Variants in EYS observed in about 807,000 individuals in gnomAD.
EYS encodes protein eyes shut homolog.
Under a neutral mutation model 282.1 loss-of-function variants are expected in EYS, and 250 were observed. The observed-to-expected ratio is 0.89, with a 90% CI of 0.80 to 0.98. EYS has a LOEUF of 0.98. EYS is among the 50% of genes least tolerant of loss of function. The pLI is 0.00. For missense variants in EYS, 4,016 were observed against 3,709.0 expected, an observed-to-expected ratio of 1.08 and a Z score of -2.15; for synonymous variants, 1,355 against 1,282.9, an observed-to-expected ratio of 1.06 and a Z score of -1.20.
chr6:64,146,067 T>C (rs1179800635), intron 31 of EYS, among the ~76,000 whole-genome samples: 1 of 152,160 alleles, frequency 6.6e-6, no homozygotes, highest in Non-Finnish European at 1.5e-5. Context: ...TTTCCTCGTG[T>C]TGTATAATCT....
intron 18 of EYS, among the ~76,000 whole-genome samples, chr6:64,890,277 C>T (rs1284104482): frequency 6.6e-6 from 1 of 152,122 alleles, no homozygotes; most frequent in Non-Finnish European, 1.5e-5. Flanking sequence ...TGTGATCTCG[C>T]CCTGCCTCCA....
chr6:65,610,083 T>A (rs1372554936), intron 2 of EYS, among the ~76,000 whole-genome samples: 1 of 151,988 alleles, frequency 6.6e-6, no homozygotes, highest in Non-Finnish European at 1.5e-5. Context: ...ATTTTTTTTA[T>A]TTTTTGTAGA....
chr6:65,148,144 A>T (rs1266579118), intron 12 of EYS, among the ~76,000 whole-genome samples: 1 of 152,064 alleles, frequency 6.6e-6, no homozygotes, highest in Non-Finnish European at 1.5e-5. Flanking sequence ...AAAAACATGC[A>T]TTCTCAACAG....
chr6:64,070,558 A>G (rs1009804168), intron 32 of EYS, among the ~76,000 whole-genome samples: 3 of 152,044 alleles, frequency 2.0e-5, no homozygotes, highest in African/African-American at 7.2e-5. Flanking sequence ...CCAAATAGTC[A>G]TGTCTGAATA....
rs1409845590 is a variant in EYS, at chr6:65,344,134, G to T, written c.1503C>A (p.Phe501Leu). The change falls in exon 10 of 43, where the codon TTC (phenylalanine) becomes TTA (leucine). Residue 501 changes from phenylalanine to leucine, a missense_variant. Coordinates refer to ENST00000503581, the MANE Select transcript of EYS (RefSeq NM_001142800.2). ...EKCQGVIDAY[F>L]FLAANCTEDA... ...CTTCAGTGCAGTTTGCAGCCAGAAA[G>T]AAATAGGCATCAATAACCCCTTGGC... The T allele has an allele frequency of 6.2e-7, 1 of 1,610,420 alleles. No individual in the cohort carries two copies. Among genetic ancestry groups the T allele is most frequent in the Admixed American group, 1.7e-5 (1 of 59,660 alleles).
chr6:65,406,789 A>G (rs1244303063), intron 5 of EYS, among the ~76,000 whole-genome samples: 1 of 152,110 alleles, frequency 6.6e-6, no homozygotes, highest in Non-Finnish European at 1.5e-5. Flanking sequence ...TTTCTGGCAT[A>G]TCTATTTTTT....
intron 2 of EYS, among the ~76,000 whole-genome samples, chr6:65,597,840 C>T (rs1406337877): frequency 6.6e-6 from 1 of 152,082 alleles, no homozygotes; most frequent in Non-Finnish European, 1.5e-5. Context: ...GTGGCTCACA[C>T]CTGTAATCCC....
At chr6:65,137,405 G>A (rs1292788083) in intron 12 of EYS, among the ~76,000 whole-genome samples, 2 of 152,050 alleles carry the variant, frequency 1.3e-5, no homozygotes, top group Non-Finnish European at 2.9e-5. Context: ...CAGGTTGAGA[G>A]GTAAGACTGT....
At chr6:65,581,576 T>C (rs1338625744) in intron 2 of EYS, among the ~76,000 whole-genome samples, 1 of 152,090 alleles carries the variant, frequency 6.6e-6, no homozygotes, top group Non-Finnish European at 1.5e-5. Context: ...CAACAATCCC[T>C]CCTAATGTTT....
rs149453692 is a variant in EYS at position 63,785,604 on chromosome 6, AATAATGGTTCATT to A, written c.7723+2488_7723+2500del. ...TATGAGCATTAAAGGTCATAGAAAA[AATAATGGTTCATT>A]ATAAGCCATTTTTTAGAACAAAAAC... On this transcript the variant is annotated intron_variant, in intron 39 of 42. Coordinates refer to ENST00000503581, the MANE Select transcript of EYS (RefSeq NM_001142800.2). 9.9e-3 allele frequency among the ~76,000 whole-genome samples: 1,501 copies of A among 152,332 alleles called. 11 individuals carry two copies. The highest frequency in any genetic ancestry group is 0.016 in the Non-Finnish European group (1,113 of 68,028).
chr6:64,934,957 T>C (rs981530154), intron 15 of EYS, among the ~76,000 whole-genome samples: 6 of 151,794 alleles, frequency 4.0e-5, no homozygotes, highest in Non-Finnish European at 2.9e-5. Flanking sequence ...AGTTTGTTGA[T>C]GGGCTTATAA....
At chr6:63,931,757 G>T (rs933404667) in intron 35 of EYS, among the ~76,000 whole-genome samples, 3 of 152,018 alleles carry the variant, frequency 2.0e-5, no homozygotes, top group Non-Finnish European at 4.4e-5. Flanking sequence ...CTCAAACATT[G>T]ATCACTCCTT....
At chr6:64,797,418 A>T (rs1774391020) in intron 22 of EYS, among the ~76,000 whole-genome samples, 1 of 152,032 alleles carries the variant, frequency 6.6e-6, no homozygotes, top group South Asian at 2.1e-4. Context: ...ATTTCCATGG[A>T]CCCATACGTT....
chr6:64,242,945 A>C (rs1766882467), intron 30 of EYS, among the ~76,000 whole-genome samples: 1 of 146,490 alleles, frequency 6.8e-6, no homozygotes, highest in African/African-American at 2.5e-5. Context: ...TATATATTTT[A>C]TATATTATAT....
chr6:64,557,696 A>G (rs1241238451), intron 26 of EYS, among the ~76,000 whole-genome samples: 1 of 152,242 alleles, frequency 6.6e-6, no homozygotes, highest in South Asian at 2.1e-4. Flanking sequence ...ACGGTAAATT[A>G]TATAAATTTG....
chr6:64,379,920 G>C lies in EYS; in HGVS notation c.6078+8770C>G, dbSNP rs185939505. 2.0e-3 allele frequency among the ~76,000 whole-genome samples: 307 copies of C among 152,250 alleles called. 1 individual carries two copies. Among genetic ancestry groups the C allele is most frequent in the Non-Finnish European group, 5.1e-4 (35 of 68,020 alleles). Reference sequence around the variant, plus strand: ...TTATGGAAGAGTAGCTTAGGGGAAAGAGATTTCAAGTAATGGTTAACAATG... The same window carrying C: ...TTATGGAAGAGTAGCTTAGGGGAAACAGATTTCAAGTAATGGTTAACAATG... On this transcript the variant is annotated intron_variant, in intron 29 of 42. Coordinates refer to ENST00000503581, the MANE Select transcript of EYS (RefSeq NM_001142800.2).
rs530909292 is a variant in EYS, at chr6:63,843,197, G to A, written c.7228+20989C>T. Among the ~76,000 whole-genome samples, 16 of 152,262 alleles carry A rather than the reference G, an allele frequency of 1.1e-4. No homozygotes were observed. In the East Asian group the frequency reaches 1.9e-3, roughly 18 times the overall value. ...GCATTGAATTTATAAATTACTTTGG[G>A]CAGTATGACCATTTTCACGATATTG... On this transcript the variant is annotated intron_variant, in intron 36 of 42. Transcript: ENST00000503581.
intron 2 of EYS, among the ~76,000 whole-genome samples, chr6:65,514,818 A>T (rs1165457586): frequency 6.6e-6 from 1 of 152,184 alleles, no homozygotes; most frequent in African/African-American, 2.4e-5. Flanking sequence ...TAAACAATAG[A>T]CCTAAAACCA....
intron 29 of EYS, among the ~76,000 whole-genome samples, chr6:64,312,374 C>T (rs926020047): frequency 5.3e-5 from 8 of 152,100 alleles, no homozygotes; most frequent in Non-Finnish European, 1.2e-4. Flanking sequence ...ATGGTATCAG[C>T]CCCAGTCAGG....
Sources: gnomAD v4.1 joint callset for allele counts (sites outside exome capture counted in the v4.1 genomes callset) on GRCh38, gnomAD v4.1.1 for gene constraint, MANE v1.5 for transcripts, NCBI Gene and HGNC (gene_info 2026-07-23, HGNC 2026-07-21) for gene names.